RPAP3: variants seen among roughly 807,000 people sequenced by gnomAD.
RPAP3 encodes the protein RNA polymerase II associated protein 3.
A neutral mutation model predicts 88.8 loss-of-function variants in RPAP3; 58 were observed. The observed-to-expected ratio is 0.65, with a 90% CI of 0.53 to 0.81. RPAP3 has a LOEUF of 0.81. Ranked by LOEUF, RPAP3 falls within the 40% of genes least tolerant of loss-of-function variation. RPAP3 has a pLI of 0.00. For synonymous variants in RPAP3, 255 were observed against 259.9 expected, an observed-to-expected ratio of 0.98 and a Z score of 0.18; for missense variants, 751 against 764.3, an observed-to-expected ratio of 0.98 and a Z score of 0.20.
chr12:47,674,365 C>T (rs1000442854), intron 12 of RPAP3, among the ~76,000 whole-genome samples: 3 of 152,182 alleles, frequency 2.0e-5, no homozygotes, highest in African/African-American at 7.2e-5. Context: ...CAGCTCCTCA[C>T]CAGCAATGGA....
intron 12 of RPAP3, among the ~76,000 whole-genome samples, chr12:47,675,952 GCAC>G (rs1939105613): frequency 6.6e-6 from 1 of 152,144 alleles, no homozygotes; most frequent in Non-Finnish European, 1.5e-5. Flanking sequence ...ATTCTTCTCA[GCAC>G]CACATCACAC....
Position 47,702,378 on chromosome 12 carries a change from T to C in RPAP3, c.153+310A>G, listed in dbSNP as rs1160111473. Among the ~76,000 whole-genome samples the C allele has an allele frequency of 3.3e-5, 5 of 151,542 alleles. No homozygotes were observed. The South Asian group carries it at 8.3e-4, about 25-fold the overall frequency. ...CTGGCCAACATGATGAGACCCCGTC[T>C]CTACTAAAAAAAAAAAAATACAAAA... On this transcript the variant is annotated intron_variant, in intron 2 of 16. Coordinates refer to ENST00000005386, the MANE Select transcript of RPAP3 (RefSeq NM_024604.3).
At chr12:47,676,780 A>T (rs922523485) in intron 12 of RPAP3, among the ~76,000 whole-genome samples, 10 of 152,320 alleles carry the variant, frequency 6.6e-5, no homozygotes, top group Admixed American at 6.5e-4. Context: ...GTCCAGGACC[A>T]GACGGATTCA....
chr12:47,675,317 T>C (rs141634449), intron 12 of RPAP3, among the ~76,000 whole-genome samples: 2 of 152,274 alleles, frequency 1.3e-5, no homozygotes, highest in African/African-American at 4.8e-5. Context: ...AGACCATTGA[T>C]GCTAGGAAGA....
chr12:47,689,340 C>T, intron 6 of RPAP3, 145 bp from the exon 7 acceptor site: 1 of 498,428 alleles, frequency 2.0e-6, no homozygotes, highest in Non-Finnish European at 3.5e-6. Flanking sequence ...ATCATTAGGC[C>T]ACTGAACTTT....
intron 10 of RPAP3, among the ~76,000 whole-genome samples, chr12:47,680,097 A>C (rs1233199401): frequency 6.6e-6 from 1 of 152,232 alleles, no homozygotes; most frequent in Non-Finnish European, 1.5e-5. Flanking sequence ...TATTAATAGA[A>C]TAAGAGAATT....
intron 14 of RPAP3, among the ~76,000 whole-genome samples, chr12:47,668,646 T>C (rs1485384089): frequency 6.6e-6 from 1 of 152,218 alleles, no homozygotes; most frequent in Admixed American, 6.5e-5. Context: ...TTTTAGGGTT[T>C]TTTTTGAAGG....
Position 47,670,427 on chromosome 12 carries a change from A to T in RPAP3, c.1288-82T>A, listed in dbSNP as rs935517897. 5 of 739,186 alleles carry T rather than the reference A, an allele frequency of 6.8e-6. No individual in the cohort carries two copies. In the African/African-American group the frequency reaches 8.9e-5, roughly 13 times the overall value. 45.8% of individuals were successfully genotyped at this position (739,186 alleles called of 1,614,324 possible). On this transcript the variant is annotated intron_variant, in intron 12 of 16. Coordinates refer to ENST00000005386, the MANE Select transcript of RPAP3 (RefSeq NM_024604.3). ...GGTCACAAGTTAAAAGGCTGCAATGATCTTACAGCTAATATCCCAGTGATT... is the reference window on the plus strand; with the variant it reads ...GGTCACAAGTTAAAAGGCTGCAATGTTCTTACAGCTAATATCCCAGTGATT...
In RPAP3 at chr12:47,665,548, T is replaced by G. The variant is rs1938855105; in HGVS notation, c.1912+1432A>C. 2.0e-5 allele frequency among the ~76,000 whole-genome samples: 3 copies of G among 151,070 alleles called. No homozygotes were observed. The South Asian group carries it at 6.2e-4, about 31-fold the overall frequency. ...ATTTTTCAGGGATTTCAAGGAACAT[T>G]TCTGGTTAACTAAAGCTAAAACCAA... On this transcript the variant is annotated intron_variant, in intron 16 of 16. Transcript: ENST00000005386.
At chr12:47,693,679 T>C (rs1435393699) in intron 5 of RPAP3, among the ~76,000 whole-genome samples, 3 of 152,200 alleles carry the variant, frequency 2.0e-5, no homozygotes, top group Non-Finnish European at 2.9e-5. Context: ...TGGTATTACA[T>C]ACAGGTCTTT....
chr12:47,705,059 G>C (rs1939757828), intron 1 of RPAP3, among the ~76,000 whole-genome samples: 1 of 152,096 alleles, frequency 6.6e-6, no homozygotes, highest in Non-Finnish European at 1.5e-5. Flanking sequence ...ATTTGCCTTT[G>C]ATAATATAAG....
chr12:47,689,107 T>C lies in RPAP3; in HGVS notation c.738+18A>G. 1 of 1,215,978 alleles carries C rather than the reference T, an allele frequency of 8.2e-7. No homozygotes were observed. The highest frequency in any genetic ancestry group is 2.4e-5 in the East Asian group (1 of 41,422). 75.3% of individuals were successfully genotyped at this position (1,215,978 alleles called of 1,614,324 possible). ...AATAAAGGTCATAATACACTTAATT[T>C]AAATAACTATAGTTTACCTGACTGA... On this transcript the variant is annotated intron_variant, in intron 7 of 16. Coordinates refer to ENST00000005386, the MANE Select transcript of RPAP3 (RefSeq NM_024604.3).
At chr12:47,684,330 G>A (rs1021902320) in intron 9 of RPAP3, among the ~76,000 whole-genome samples, 1 of 152,092 alleles carries the variant, frequency 6.6e-6, no homozygotes, top group African/African-American at 2.4e-5. Context: ...ACTCCCTACT[G>A]CTACCCCGCA....
At chr12:47,703,322 T>C (rs1221965912) in intron 1 of RPAP3, among the ~76,000 whole-genome samples, 1 of 152,208 alleles carries the variant, frequency 6.6e-6, no homozygotes, top group Admixed American at 6.5e-5. Context: ...AAGCAGGGTT[T>C]CTCAACCTTG....
chr12:47,696,262 C>A lies in RPAP3; in HGVS notation c.545+14G>T. ...AAGACATTCACATTCACACACGTCA[C>A]AGAAAGTCCTTACTTTTTCAGTCTA... is the stretch of plus-strand genomic sequence containing the variant. On this transcript the variant is annotated intron_variant, in intron 5 of 16. Transcript: ENST00000005386. 1.3e-6 allele frequency: 2 copies of A among 1,518,150 alleles called. No individual in the cohort carries two copies. Among genetic ancestry groups the A allele is most frequent in the South Asian group, 1.3e-5 (1 of 74,116 alleles). 94.0% of individuals were successfully genotyped at this position (1,518,150 alleles called of 1,614,324 possible).
intron 5 of RPAP3, 138 bp downstream of exon 5, chr12:47,696,138 C>A: frequency 1.5e-6 from 1 of 665,712 alleles, no homozygotes; most frequent in East Asian, 3.2e-5. Flanking sequence ...AAGGAGTGAG[C>A]TATAAGAATT....
intron 5 of RPAP3, among the ~76,000 whole-genome samples, chr12:47,695,132 G>C (rs554627302): frequency 6.6e-6 from 1 of 151,480 alleles, no homozygotes; most frequent in South Asian, 2.1e-4. Context: ...GAAAGAGTGG[G>C]AGGGAGAGAG....
intron 12 of RPAP3, among the ~76,000 whole-genome samples, chr12:47,677,735 C>A (rs912515426): frequency 2.0e-5 from 3 of 152,036 alleles, no homozygotes; most frequent in Admixed American, 2.0e-4. Flanking sequence ...CACTGCTCAA[C>A]GAAATAAAAG....
At position 47,668,903 on chromosome 12, in the gene RPAP3, T is replaced by C; in HGVS notation, c.1713+13A>G. 2 of 1,594,902 alleles carry C rather than the reference T, an allele frequency of 1.3e-6. No individual in the cohort carries two copies. The highest frequency in any genetic ancestry group is 1.7e-6 in the Non-Finnish European group (2 of 1,162,616). ...TTTACTTACAACAGAAGTACTACCT[T>C]CCTCTCTCTTACCTTTAAATACTGA... is the stretch of plus-strand genomic sequence containing the variant. On this transcript the variant is annotated intron_variant, in intron 14 of 16. Transcript: ENST00000005386.
Sources: allele counts gnomAD v4.1 joint callset (sites outside exome capture counted in the v4.1 genomes callset), GRCh38; gene constraint gnomAD v4.1.1; transcripts MANE v1.5; gene names NCBI Gene and HGNC (gene_info 2026-07-23, HGNC 2026-07-21).